The following MBNL2 variants were observed in gnomAD, a reference collection of about 807,000 sequenced individuals.
MBNL2 encodes muscleblind like splicing regulator 2, also known as muscleblind-like protein 2.
A neutral mutation model predicts 41.9 loss-of-function variants in MBNL2; 17 were observed. That is an observed-to-expected ratio of 0.41 (90% confidence interval 0.28 to 0.61). The LOEUF (loss-of-function observed/expected upper bound fraction) is 0.61, where lower values mean the gene tolerates loss of function less well. MBNL2 is among the 20% of genes least tolerant of loss of function. The pLI is 0.35. For missense variants in MBNL2, 336 were observed against 505.6 expected, an observed-to-expected ratio of 0.66 and a Z score of 3.22; for synonymous variants, 195 against 182.9, an observed-to-expected ratio of 1.07 and a Z score of -0.53.
chr13:97,336,229 A>C (rs1329327463), intron 3 of MBNL2, among the ~76,000 whole-genome samples: 1 of 152,242 alleles, frequency 6.6e-6, no homozygotes, highest in East Asian at 1.9e-4. Context: ...TAAATATTTT[A>C]ATAGAGGTTT....
chr13:97,251,834 CTTTTTTTT>C (rs869034692), intron 1 of MBNL2, among the ~76,000 whole-genome samples: 3 of 69,578 alleles, frequency 4.3e-5, no homozygotes, highest in African/African-American at 5.6e-5. Context: ...ATCCTCAATT[CTTTTTTTT>C]TTTTTTTTTT....
chr13:97,212,854 G>A, the MBNL2 span, among the ~76,000 whole-genome samples: 2 of 152,184 alleles, frequency 1.3e-5, no homozygotes, highest in Non-Finnish European at 2.9e-5. Flanking sequence ...ACATTTTCCA[G>A]AAATTGATGT....
rs1240906141 is a variant in MBNL2 at position 97,366,326 on chromosome 13, G to GTGAT, written c.1048+1158_1048+1161dup. The GTGAT allele has an allele frequency of 1.7e-6, 1 of 577,960 alleles. No homozygotes were observed. Among genetic ancestry groups the GTGAT allele is most frequent in the African/African-American group, 1.9e-5 (1 of 53,330 alleles). 35.8% of individuals were successfully genotyped at this position (577,960 alleles called of 1,614,324 possible). Reference sequence around the variant, plus strand: ...CTCCCATGCTTCCTTGCTTTGCATTGTGATTGCATGCCATCTGCTGGTTTA... The same window carrying GTGAT: ...CTCCCATGCTTCCTTGCTTTGCATTGTGATTGATTGCATGCCATCTGCTGGTTTA... On this transcript the variant is annotated intron_variant, in intron 8 of 8. Transcript: ENST00000679496. This position sits in a 1 kb window ranked among gnomAD's most constrained non-coding sequence, Gnocchi z 4.7.
the MBNL2 span, among the ~76,000 whole-genome samples, chr13:97,187,906 C>CA: frequency 0.55 from 66,884 of 121,564 alleles, 18,657 homozygotes; most frequent in Non-Finnish European, 0.67. Context: ...GACTTCGTCT[C>CA]AAAAAAAAAA....
chr13:97,216,579 G>A (rs143976645), upstream of MBNL2, among the ~76,000 whole-genome samples: 1 of 151,964 alleles, frequency 6.6e-6, no homozygotes, highest in African/African-American at 2.4e-5. Context: ...TCCTTTCTAG[G>A]GACCAGGCCA....
the MBNL2 span, among the ~76,000 whole-genome samples, chr13:97,173,109 A>G: frequency 6.6e-6 from 1 of 152,218 alleles, no homozygotes; most frequent in Non-Finnish European, 1.5e-5. Flanking sequence ...GTGTATGTAT[A>G]CAAGCATCTA....
chr13:97,162,221 C>G, the MBNL2 span, among the ~76,000 whole-genome samples: 38 of 152,260 alleles, frequency 2.5e-4, no homozygotes, highest in African/African-American at 7.7e-4. Flanking sequence ...GGCCCCACCT[C>G]CAACATTGGG....
At chr13:97,164,707 A>G in the MBNL2 span, among the ~76,000 whole-genome samples, 2 of 152,186 alleles carry the variant, frequency 1.3e-5, no homozygotes, top group Non-Finnish European at 2.9e-5. Flanking sequence ...TTACAATTAA[A>G]AAGGAGGTGA....
chr13:97,167,478 A>G, the MBNL2 span, among the ~76,000 whole-genome samples: 7 of 152,210 alleles, frequency 4.6e-5, no homozygotes, highest in Non-Finnish European at 4.4e-5. Context: ...TAAAGGGGAT[A>G]AAGCGCAGGC....
chr13:97,343,316 G>T, intron 4 of MBNL2, 100 bp downstream of exon 4: 1 of 910,074 alleles, frequency 1.1e-6, no homozygotes. Flanking sequence ...TTGCAAAACA[G>T]CCATGTAAAC....
intron 2 of MBNL2, among the ~76,000 whole-genome samples, chr13:97,291,900 C>CAAA (rs763407208): frequency 0.048 from 1,807 of 37,806 alleles, 170 homozygotes; most frequent in Admixed American, 0.15. Flanking sequence ...GTCTCCGTCT[C>CAAA]AAAAAAAAAA....
At chr13:97,235,157 C>T (rs2043038570) in intron 1 of MBNL2, among the ~76,000 whole-genome samples, 1 of 152,130 alleles carries the variant, frequency 6.6e-6, no homozygotes, top group Non-Finnish European at 1.5e-5. Flanking sequence ...AGCTTTCAGA[C>T]TTGAGTTGAT....
intron 1 of MBNL2, among the ~76,000 whole-genome samples, chr13:97,269,535 C>T (rs1057380927): frequency 5.9e-5 from 9 of 152,272 alleles, no homozygotes; most frequent in African/African-American, 1.9e-4. Context: ...GCATTTCCAC[C>T]GTGCCCTCAG....
chr13:97,293,939 A>G (rs1244269721), intron 2 of MBNL2, among the ~76,000 whole-genome samples: 1 of 151,936 alleles, frequency 6.6e-6, no homozygotes, highest in Non-Finnish European at 1.5e-5. Flanking sequence ...GTAGTGTTGT[A>G]TCCCTTACCC....
chr13:97,326,949 G>A (rs2059951131), intron 2 of MBNL2, among the ~76,000 whole-genome samples: 1 of 152,194 alleles, frequency 6.6e-6, no homozygotes, highest in African/African-American at 2.4e-5. Context: ...CTATGTGACT[G>A]AGACCTGTAT....
intron 2 of MBNL2, among the ~76,000 whole-genome samples, chr13:97,309,660 C>T (rs1442886912): frequency 1.3e-5 from 2 of 152,148 alleles, no homozygotes; most frequent in African/African-American, 4.8e-5. Flanking sequence ...GTTATGGCAG[C>T]CCAAGCAAAC....
chr13:97,308,565 C>T (rs1444741479), intron 2 of MBNL2, among the ~76,000 whole-genome samples: 1 of 152,144 alleles, frequency 6.6e-6, no homozygotes, highest in African/African-American at 2.4e-5. Context: ...ACCCACACAC[C>T]AACAATCTTA....
chr13:97,369,813 A>C (rs2064192889), intron 8 of MBNL2, among the ~76,000 whole-genome samples: 1 of 152,220 alleles, frequency 6.6e-6, no homozygotes, highest in South Asian at 2.1e-4. Flanking sequence ...CAGAATCCAA[A>C]TATGTTTGGG....
the MBNL2 span, among the ~76,000 whole-genome samples, chr13:97,164,301 C>G: frequency 6.6e-6 from 1 of 152,238 alleles, no homozygotes. Flanking sequence ...AGCCACCGCA[C>G]CCAGTTGGTT....
Sources: allele counts gnomAD v4.1 joint callset (sites outside exome capture counted in the v4.1 genomes callset), GRCh38; gene constraint gnomAD v4.1.1; non-coding constraint Gnocchi (gnomAD v3.1); transcripts MANE v1.5; gene names NCBI Gene and HGNC (gene_info 2026-07-23, HGNC 2026-07-21).